The following CEP85 variants were observed in gnomAD, a reference collection of about 807,000 sequenced individuals.
CEP85 encodes centrosomal protein 85, also known as centrosomal protein of 85 kDa.
Under a neutral mutation model 93.7 loss-of-function variants are expected in CEP85, and 58 were observed. The observed-to-expected ratio is 0.62, with a 90% confidence interval of 0.50 to 0.77. The LOEUF (loss-of-function observed/expected upper bound fraction) is 0.77, where lower values mean the gene tolerates loss of function less well. CEP85 is among the 30% of genes least tolerant of loss of function. The probability of loss-of-function intolerance (pLI) is 0.00; values close to 1 mark genes in which losing one functional copy is unlikely to be tolerated. For missense variants in CEP85, 868 were observed against 922.0 expected (o/e 0.94, Z 0.76); for synonymous variants, 314 against 338.6 (o/e 0.93, Z 0.80).
chr1:26,236,600 G>T (rs547646548), intron 1 of CEP85, among the ~76,000 whole-genome samples: 60 of 152,186 alleles, frequency 3.9e-4, no homozygotes, highest in Middle Eastern at 6.8e-3. Flanking sequence ...TCCTTACGGG[G>T]TTTCTTTCTT....
At position 26,250,925 on chromosome 1, in the gene CEP85, C is replaced by CCTTTTTTT. The variant is rs2089598435; in HGVS notation, c.209-4246_209-4245insCTTTTTTT. On this transcript the variant is annotated intron_variant, in intron 3 of 13. Coordinates refer to ENST00000451429, the MANE Select transcript of CEP85 (RefSeq NM_001319944.2). ...TGAGCCAAGCTTGCCTTTTTTTTTT[C>CCTTTTTTT]TTTTTTCTTTTTTTTTTTTTTTTTT... 3.8e-4 allele frequency among the ~76,000 whole-genome samples: 21 copies of CCTTTTTTT among 55,130 alleles called. 1 individual carries two copies. The highest frequency in any genetic ancestry group is 1.2e-3 in the African/African-American group (21 of 17,054). 36.2% of individuals were successfully genotyped at this position (55,130 alleles called of 152,430 possible). A position where few individuals can be genotyped will look rare whatever the true frequency, so the allele number is the denominator to read the frequency against.
At chr1:26,236,074 T>C (rs2089322618) in intron 1 of CEP85, among the ~76,000 whole-genome samples, 1 of 152,192 alleles carries the variant, frequency 6.6e-6, no homozygotes. Flanking sequence ...CCATGCTTGA[T>C]CTCTTTTTTT....
rs2090072245 is a variant in CEP85 at position 26,277,585 on chromosome 1, G to C, written c.*292G>C. Reference sequence around the variant, plus strand: ...TTCCCAGCCCTAGGCTGACATGAGAGACGAACAGGCTGTCCACCTTTCTTC... The same window carrying C: ...TTCCCAGCCCTAGGCTGACATGAGACACGAACAGGCTGTCCACCTTTCTTC... On this transcript the variant is annotated 3_prime_UTR_variant, in exon 14 of 14. Coordinates refer to ENST00000451429, the MANE Select transcript of CEP85 (RefSeq NM_001319944.2). 1 of 270,682 alleles carries C rather than the reference G, an allele frequency of 3.7e-6. No homozygotes were observed. Among genetic ancestry groups the C allele is most frequent in the Non-Finnish European group, 7.3e-6 (1 of 136,294 alleles). The allele number at this position is 270,682 out of a possible 1,614,324, so 16.8% of individuals were successfully genotyped here.
At chr1:26,239,363 T>A (rs1214428621) in intron 1 of CEP85, among the ~76,000 whole-genome samples, 1 of 152,112 alleles carries the variant, frequency 6.6e-6, no homozygotes, top group Non-Finnish European at 1.5e-5. Flanking sequence ...TCTTTTTTAT[T>A]TTTTTTGAGA....
chr1:26,256,889 G>A (rs1214234341), intron 4 of CEP85, among the ~76,000 whole-genome samples: 1 of 136,450 alleles, frequency 7.3e-6, no homozygotes, highest in Non-Finnish European at 1.6e-5. Flanking sequence ...GAGTTACTGT[G>A]CCTGCCTGTA....
Position 26,244,222 on chromosome 1 carries a change from ATC to A in CEP85, c.115_116del (p.Ser39GlyfsTer78). 6.2e-7 allele frequency: 1 copy of A among 1,613,814 alleles called. No individual in the cohort carries two copies. Among genetic ancestry groups the A allele is most frequent in the African/African-American group, 1.3e-5 (1 of 74,994 alleles). On this transcript the variant is annotated frameshift_variant, in exon 3 of 14. Transcript: ENST00000451429. LOFTEE classifies it high-confidence loss of function. ...GGGGACTGAATGGCAGACCCCAGTT[ATC>A]TCGGAGCCCTTTCGGAGCCGCTTCA... ...SLGTEWQTPV[I>X]SEPFRSRFSR...
At chr1:26,274,859 A>C (rs1299555641) in intron 11 of CEP85, 105 bp from the exon 12 acceptor site, 1 of 787,642 alleles carries the variant, frequency 1.3e-6, no homozygotes, top group Admixed American at 2.5e-5. Context: ...ATGAGGGTGT[A>C]GGTAGGGTGA....
chr1:26,258,397 A>C, intron 6 of CEP85, 137 bp downstream of exon 6: 1 of 659,374 alleles, frequency 1.5e-6, no homozygotes, highest in Admixed American at 2.5e-5. Context: ...AGGGCATACT[A>C]ATTATAAAGC....
intron 11 of CEP85, among the ~76,000 whole-genome samples, chr1:26,272,635 T>G (rs1381491647): frequency 7.1e-6 from 1 of 141,546 alleles, no homozygotes; most frequent in South Asian, 2.4e-4. Context: ...TTTTTTTTTT[T>G]TTTTTTTTTG....
intron 4 of CEP85, among the ~76,000 whole-genome samples, chr1:26,256,216 C>T (rs927505042): frequency 4.6e-5 from 7 of 152,206 alleles, no homozygotes; most frequent in African/African-American, 7.2e-5. Flanking sequence ...ATAATCTGTA[C>T]GGGGTCATAG....
At chr1:26,257,779 A>G (rs777395749) in intron 5 of CEP85, 49 bp downstream of exon 5, 8 of 1,602,970 alleles carry the variant, frequency 5.0e-6, no homozygotes, top group Non-Finnish European at 6.8e-6. Flanking sequence ...CCCAGGCCCC[A>G]TTGAAGACAC....
At chr1:26,257,900 T>C (rs2089733759) in intron 5 of CEP85, among the ~76,000 whole-genome samples, 170 bp downstream of exon 5, 1 of 152,166 alleles carries the variant, frequency 6.6e-6, no homozygotes, top group Non-Finnish European at 1.5e-5. Flanking sequence ...ATAACTAATA[T>C]AATAGACCAG....
intron 4 of CEP85, among the ~76,000 whole-genome samples, chr1:26,257,208 C>T (rs1303456587): frequency 6.6e-6 from 1 of 152,186 alleles, no homozygotes; most frequent in East Asian, 1.9e-4. Flanking sequence ...GCTGGGATTA[C>T]AGGCGTGAGC....
At chr1:26,254,923 C>A in intron 3 of CEP85, 1 of 467,084 alleles carries the variant, frequency 2.1e-6, no homozygotes. Context: ...TTTTTTTATT[C>A]CAGTACAAAG....
chr1:26,248,490 T>G (rs1485777913), intron 3 of CEP85, among the ~76,000 whole-genome samples: 1 of 151,534 alleles, frequency 6.6e-6, no homozygotes, highest in Admixed American at 6.6e-5. Context: ...GGTCTAGAAG[T>G]TTTTTTTACT....
chr1:26,246,450 C>T (rs1480652462), intron 3 of CEP85, among the ~76,000 whole-genome samples: 2 of 152,128 alleles, frequency 1.3e-5, no homozygotes, highest in Non-Finnish European at 2.9e-5. Flanking sequence ...AAAACATATA[C>T]TGGCCAGATG....
At chr1:26,272,240 G>C in intron 11 of CEP85, 169 bp downstream of exon 11, 3 of 666,506 alleles carry the variant, frequency 4.5e-6, no homozygotes, top group Non-Finnish European at 8.0e-6. Flanking sequence ...CACAAATATA[G>C]TAGGGAGTTT....
chr1:26,267,611 G>A (rs2089912009), intron 7 of CEP85, among the ~76,000 whole-genome samples: 2 of 152,164 alleles, frequency 1.3e-5, no homozygotes, highest in African/African-American at 2.4e-5. Flanking sequence ...ATGACATAGG[G>A]TGAGGTCCAG....
chr1:26,261,020 A>ACCT lies in CEP85; in HGVS notation c.1341+1220_1341+1222dup, dbSNP rs527567361. Among the ~76,000 whole-genome samples, 370 of 150,490 alleles carry ACCT rather than the reference A, an allele frequency of 2.5e-3. 2 individuals carry two copies. The highest frequency in any genetic ancestry group is 4.0e-3 in the African/African-American group (164 of 41,142). ...TGGCCAGGCTGGTCTCGAACTCCTG[A>ACCT]CCTCAGGTGATCCACCCACCTCAGC... On this transcript the variant is annotated intron_variant, in intron 7 of 13. Coordinates refer to ENST00000451429, the MANE Select transcript of CEP85 (RefSeq NM_001319944.2).
Sources: allele counts gnomAD v4.1 joint callset (sites outside exome capture counted in the v4.1 genomes callset), GRCh38; gene constraint gnomAD v4.1.1; transcripts MANE v1.5; gene names NCBI Gene and HGNC (gene_info 2026-07-23, HGNC 2026-07-21).